The following RADX variants were observed in gnomAD, a reference collection of about 807,000 sequenced individuals.
The protein encoded by RADX is RPA-related protein RADX.
Under a neutral mutation model 61.6 loss-of-function variants are expected in RADX, and 36 were observed. The ratio of observed to expected loss-of-function variants is 0.58; its 90% CI spans 0.45 to 0.77. The LOEUF (loss-of-function observed/expected upper bound fraction) is 0.77, where lower values mean the gene tolerates loss of function less well. Ranked by LOEUF, RADX falls within the 30% of genes least tolerant of loss-of-function variation. The pLI is 0.00. For missense variants in RADX, 497 were observed against 651.1 expected (o/e 0.76, Z 2.58); for synonymous variants, 272 against 237.9 (o/e 1.14, Z -1.32).
chrX:106,657,785 G>T (rs746850813), intron 11 of RADX, among the ~76,000 whole-genome samples: 1 of 111,012 alleles, frequency 9.0e-6, no homozygotes, highest in East Asian at 2.8e-4. Flanking sequence ...GGTTTGTGGC[G>T]CCTCAAAACA....
chrX:106,636,353 C>T (rs1284152360), intron 6 of RADX, among the ~76,000 whole-genome samples, 190 bp from the exon 7 acceptor site: 2 of 111,598 alleles, frequency 1.8e-5, no homozygotes, highest in African/African-American at 3.3e-5. Context: ...TAATAATTGC[C>T]TAGGAGATTA....
At chrX:106,649,447 G>A (rs911096872) in intron 11 of RADX, among the ~76,000 whole-genome samples, 1 of 111,640 alleles carries the variant, frequency 9.0e-6, no homozygotes. Context: ...TCAGCTTGGT[G>A]ATTAAACTTC....
intron 3 of RADX, among the ~76,000 whole-genome samples, chrX:106,631,020 A>G (rs1319032945): frequency 8.9e-6 from 1 of 112,385 alleles, no homozygotes. Flanking sequence ...ATAACTTGAA[A>G]ACATCATTGA....
intron 13 of RADX, 31 bp downstream of exon 13, chrX:106,669,361 GA>G (rs3833423): frequency 0.029 from 21,349 of 728,688 alleles, 1 homozygote; most frequent in East Asian, 0.044. Context: ...TTTTCACTCA[GA>G]AAAAAAAAAA....
At chrX:106,649,134 T>C (rs1196290340) in intron 11 of RADX, among the ~76,000 whole-genome samples, 1 of 111,626 alleles carries the variant, frequency 9.0e-6, no homozygotes, top group African/African-American at 3.2e-5. Context: ...TAATAATAGA[T>C]TTTTATTCAT....
intron 11 of RADX, among the ~76,000 whole-genome samples, chrX:106,650,653 G>C (rs763472673): frequency 9.0e-6 from 1 of 111,272 alleles, no homozygotes; most frequent in South Asian, 3.8e-4. Context: ...CTGGCCTCAC[G>C]TGATCCTCCA....
intron 3 of RADX, among the ~76,000 whole-genome samples, chrX:106,627,540 A>G (rs1469312600): frequency 9.0e-6 from 1 of 110,869 alleles, no homozygotes; most frequent in African/African-American, 3.3e-5. Flanking sequence ...TCACCATCCA[A>G]TGCGATAGAT....
rs772048182 is a variant in RADX at position 106,639,548 on chromosome X, T to C, written c.1595T>C (p.Ile532Thr). Residue 532 changes from isoleucine to threonine, a missense_variant, in exon 9 of 14, where the codon ATA becomes ACA. This residue lies in a region of RADX where 267 missense variants were observed against 306.9 expected (regional missense o/e 0.87). Coordinates refer to ENST00000372548, the MANE Select transcript of RADX (RefSeq NM_018015.6). ...SIKVESLLTA[I>T]SEVRKEIEDL... The stretch of plus-strand genomic sequence containing the variant: ...GCAGTTGAGTCGCTCTTGACAGCTA[T>C]AAGTGAAGTCAGGAAGGAGATTGAA... The C allele has an allele frequency of 2.5e-6, 3 of 1,198,640 alleles. No individual in the cohort carries two copies. In the East Asian group the frequency reaches 9.0e-5, roughly 36 times the overall value.
chrX:106,633,318 G>T, intron 6 of RADX, 66 bp downstream of exon 6: 1 of 967,481 alleles, frequency 1.0e-6, no homozygotes, highest in South Asian at 2.3e-5. Context: ...AAAATGTAGA[G>T]TAAACTGACT....
At chrX:106,671,946 G>A (rs1928373596) in intron 13 of RADX, among the ~76,000 whole-genome samples, 1 of 111,287 alleles carries the variant, frequency 9.0e-6, no homozygotes, top group Non-Finnish European at 1.9e-5. Context: ...TCAATGGGAT[G>A]TTTGTTTTGG....
chrX:106,660,500 A>G lies in RADX; in HGVS notation c.1979-1515A>G, dbSNP rs753772608. The stretch of plus-strand genomic sequence containing the variant: ...TAATCAGAAGTAGTATTTTAACCAT[A>G]CTGAAACCTTGCTATTGCAGCCACC... On this transcript the variant is annotated intron_variant, in intron 11 of 13. Coordinates refer to ENST00000372548, the MANE Select transcript of RADX (RefSeq NM_018015.6). Among the ~76,000 whole-genome samples the G allele has an allele frequency of 4.5e-5, 5 of 112,002 alleles. No homozygotes were observed. In the East Asian group the frequency reaches 1.4e-3, roughly 31 times the overall value.
chrX:106,636,187 C>T (rs991397778), intron 6 of RADX, among the ~76,000 whole-genome samples: 1 of 111,134 alleles, frequency 9.0e-6, no homozygotes, highest in African/African-American at 3.3e-5. Flanking sequence ...GGTGTGGGCC[C>T]AGTTAAAATG....
At chrX:106,661,133 G>A (rs1056134488) in intron 11 of RADX, among the ~76,000 whole-genome samples, 1 of 110,729 alleles carries the variant, frequency 9.0e-6, no homozygotes, top group Non-Finnish European at 1.9e-5. Flanking sequence ...ATAAGTTTTG[G>A]GTAGGAATAC....
At chrX:106,656,069 T>C (rs1927933343) in intron 11 of RADX, among the ~76,000 whole-genome samples, 1 of 112,328 alleles carries the variant, frequency 8.9e-6, no homozygotes, top group Non-Finnish European at 1.9e-5. Flanking sequence ...CTTTCAAAAA[T>C]TGACACTACT....
intron 13 of RADX, among the ~76,000 whole-genome samples, chrX:106,674,070 C>A (rs773414567): frequency 9.0e-6 from 1 of 111,326 alleles, no homozygotes; most frequent in Admixed American, 9.5e-5. Context: ...AGTGTTTTTT[C>A]TACCTCTTCA....
chrX:106,619,116 A>G (rs1416139367), intron 1 of RADX, among the ~76,000 whole-genome samples: 1 of 109,924 alleles, frequency 9.1e-6, no homozygotes, highest in Non-Finnish European at 1.9e-5. Flanking sequence ...GTATTCTCCT[A>G]GTCTCCTAGT....
chrX:106,616,844 C>G (rs999487850), intron 1 of RADX, among the ~76,000 whole-genome samples: 1 of 109,855 alleles, frequency 9.1e-6, no homozygotes, highest in Non-Finnish European at 1.9e-5. Flanking sequence ...ACTTTCATTA[C>G]CGTCCTGTAT....
chrX:106,633,433 G>T (rs1456838822), intron 6 of RADX, among the ~76,000 whole-genome samples, 181 bp downstream of exon 6: 1 of 111,108 alleles, frequency 9.0e-6, no homozygotes, highest in Non-Finnish European at 1.9e-5. Flanking sequence ...CAACCCGTTG[G>T]TTGTCTGTTC....
intron 12 of RADX, among the ~76,000 whole-genome samples, chrX:106,663,797 TGAG>T (rs1928163093): frequency 9.0e-6 from 1 of 111,690 alleles, no homozygotes; most frequent in Non-Finnish European, 1.9e-5. Flanking sequence ...ATGGAAATGA[TGAG>T]TTCATCTAGA....
Sources: gnomAD v4.1 joint callset for allele counts (sites outside exome capture counted in the v4.1 genomes callset) on GRCh38, gnomAD v4.1.1 for gene constraint, gnomAD v4.1.1 regional missense constraint, MANE v1.5 for transcripts, NCBI Gene and HGNC (gene_info 2026-07-23, HGNC 2026-07-21) for gene names.